The following TEX15 variants were observed in gnomAD, a reference collection of about 807,000 sequenced individuals.
TEX15 encodes the protein testis expressed 15, meiosis and synapsis associated.
In TEX15, 171 loss-of-function variants were observed where a neutral mutation model predicts 237.3. The observed-to-expected ratio is 0.72, with a 90% CI of 0.64 to 0.82. The LOEUF is 0.82. Ranked by LOEUF, TEX15 falls within the 40% of genes least tolerant of loss-of-function variation. The pLI is 0.00. For missense variants in TEX15, 3,750 were observed against 3,646.5 expected (o/e 1.03, Z -0.73); for synonymous variants, 1,338 against 1,269.8 (o/e 1.05, Z -1.14).
At chr8:30,857,144 A>C (rs1807928563) in intron 7 of TEX15, among the ~76,000 whole-genome samples, 1 of 152,206 alleles carries the variant, frequency 6.6e-6, no homozygotes, top group Non-Finnish European at 1.5e-5. Flanking sequence ...CAGCACCTGC[A>C]GCCAACTGAT....
At chr8:30,859,023 T>C (rs1202010686) in intron 6 of TEX15, among the ~76,000 whole-genome samples, 193 bp from the exon 7 acceptor site, 1 of 152,160 alleles carries the variant, frequency 6.6e-6, no homozygotes, top group Non-Finnish European at 1.5e-5. Flanking sequence ...TTTTTTTTGA[T>C]AGGCTACTAA....
chr8:30,836,716 C>T, intron 10 of TEX15, 87 bp downstream of exon 10: 5 of 1,193,050 alleles, frequency 4.2e-6, no homozygotes, highest in Middle Eastern at 2.0e-4. Context: ...CCCTCTAACT[C>T]ATCACTTACT....
At chr8:30,888,184 GAA>G (rs1808703979) in intron 2 of TEX15, among the ~76,000 whole-genome samples, 1 of 151,538 alleles carries the variant, frequency 6.6e-6, no homozygotes, top group African/African-American at 2.4e-5. Context: ...CAAAGTGCTG[GAA>G]TTACAGGCAT....
At chr8:30,894,019 T>G (rs1427599542) in intron 2 of TEX15, among the ~76,000 whole-genome samples, 5 of 152,220 alleles carry the variant, frequency 3.3e-5, no homozygotes, top group Admixed American at 1.3e-4. Context: ...TCTGGTTCAC[T>G]GACTCTCTTC....
chr8:30,906,717 T>C (rs1809109753), intron 1 of TEX15, among the ~76,000 whole-genome samples: 1 of 152,000 alleles, frequency 6.6e-6, no homozygotes, highest in Admixed American at 6.6e-5. Flanking sequence ...CTGCTGGGAA[T>C]AGGCTTGAAA....
At chr8:30,883,937 A>G (rs942323950) in intron 3 of TEX15, among the ~76,000 whole-genome samples, 1 of 152,156 alleles carries the variant, frequency 6.6e-6, no homozygotes, top group Non-Finnish European at 1.5e-5. Context: ...TGTCTTCCAC[A>G]ATGGTTGAAC....
At chr8:30,835,639 C>G (rs73228645) in intron 10 of TEX15, among the ~76,000 whole-genome samples, 1 of 152,076 alleles carries the variant, frequency 6.6e-6, no homozygotes, top group Non-Finnish European at 1.5e-5. Context: ...ATTTAAAGTA[C>G]ATTTTATTTC....
chr8:30,847,212 T>C lies in TEX15; in HGVS notation c.2955A>G (p.Ile985Met). Residue 985 changes from isoleucine (I) to methionine (M), a missense_variant, in exon 8 of 11, where the codon ATA (isoleucine) becomes ATG (methionine). Transcript: ENST00000643185. ...CAGGCATAGTAGCACTAGCTATCTG[T>C]ATTGCAGCATTTGAGGCTACACACA... Reference protein sequence around the residue: ...SSVCVASNAAIQIASATMPAL... With the variant: ...SSVCVASNAAMQIASATMPAL... 6.2e-7 allele frequency: 1 copy of C among 1,613,980 alleles called. No homozygotes were observed. Among genetic ancestry groups the C allele is most frequent in the Non-Finnish European group, 8.5e-7 (1 of 1,179,850 alleles).
chr8:30,847,774 C>T lies in TEX15; in HGVS notation c.2393G>A (p.Ser798Asn), dbSNP rs1807656075. The T allele has an allele frequency of 3.7e-6, 6 of 1,613,680 alleles. No homozygotes were observed. In the East Asian group the frequency reaches 1.3e-4, roughly 36 times the overall value. ...GACACATATATGTTCTCTAGTTATG[C>T]TGCAATTTGAACTGTCATGAGCTGT... ...IETAHDSSNCSITREHICVHR... is the reference protein window; with the variant it reads ...IETAHDSSNCNITREHICVHR... The change falls in exon 8 of 11, where the codon AGC becomes AAC. Residue 798 changes from serine (S) to asparagine (N), a missense_variant. Physicochemically the swap from Ser to Asn is conservative, Grantham distance 46. Transcript: ENST00000643185.
chr8:30,887,454 G>C, intron 2 of TEX15, 143 bp from the exon 3 acceptor site: 1 of 800,206 alleles, frequency 1.2e-6, no homozygotes, highest in Non-Finnish European at 1.8e-6. Context: ...ATCTCAATTT[G>C]CCAGTTGCCC....
At chr8:30,897,889 C>A (rs1298441733) in intron 2 of TEX15, among the ~76,000 whole-genome samples, 2 of 152,132 alleles carry the variant, frequency 1.3e-5, no homozygotes, top group Non-Finnish European at 2.9e-5. Flanking sequence ...GTCTCAAACT[C>A]CTCACCTCAA....
chr8:30,846,027 T>C lies in TEX15; in HGVS notation c.4140A>G (p.Leu1380=). Residue 1380 remains leucine, a synonymous_variant, in exon 8 of 11, where the codon CTA becomes CTG. Coordinates refer to ENST00000643185, the MANE Select transcript of TEX15 (RefSeq NM_001350162.2). ...TTTTTAAGTGAACAACTGCTTTGTC[T>C]AGTTTTCTGGAAAGACATTTGCTTT... ...LCKSKCLSRK[L]DKAVVHLKKA... is the part of the protein sequence containing the mutation. 6.2e-7 allele frequency: 1 copy of C among 1,613,398 alleles called. No individual in the cohort carries two copies. Among genetic ancestry groups the C allele is most frequent in the Non-Finnish European group, 8.5e-7 (1 of 1,179,570 alleles).
rs1808673726 is a variant in TEX15 at position 30,887,307 on chromosome 8, T to C, written c.-5A>G. On this transcript the variant is annotated 5_prime_UTR_variant, in exon 3 of 11. Transcript: ENST00000643185. The stretch of plus-strand genomic sequence containing the variant: ...AGCAGTTTCTTTCATTTCCATTTTG[T>C]TGGCCTAAAATCAACCCAAGGTTAT... 6.5e-7 allele frequency: 1 copy of C among 1,529,912 alleles called. No individual in the cohort carries two copies. Among genetic ancestry groups the C allele is most frequent in the South Asian group, 1.2e-5 (1 of 82,128 alleles). The allele number at this position is 1,529,912 out of a possible 1,614,324, so 94.8% of individuals were successfully genotyped here. A position where few individuals can be genotyped will look rare whatever the true frequency, so the allele number is the denominator to read the frequency against.
intron 2 of TEX15, among the ~76,000 whole-genome samples, chr8:30,893,673 C>T (rs1300867467): frequency 6.6e-6 from 1 of 152,180 alleles, no homozygotes; most frequent in Non-Finnish European, 1.5e-5. Context: ...TCTCAGCACT[C>T]TCAAGATGTT....
At chr8:30,865,248 C>T (rs1585296866) in intron 5 of TEX15, among the ~76,000 whole-genome samples, 2 of 152,112 alleles carry the variant, frequency 1.3e-5, no homozygotes, top group East Asian at 1.9e-4. Flanking sequence ...GACATCCAAC[C>T]TATTGAGACT....
At chr8:30,852,279 G>A (rs1236307222) in intron 7 of TEX15, among the ~76,000 whole-genome samples, 1 of 151,394 alleles carries the variant, frequency 6.6e-6, no homozygotes, top group Non-Finnish European at 1.5e-5. Flanking sequence ...CTAATTTTTT[G>A]TATTTTTAGT....
At chr8:30,871,379 T>C (rs949251932) in intron 4 of TEX15, among the ~76,000 whole-genome samples, 3 of 152,076 alleles carry the variant, frequency 2.0e-5, no homozygotes, top group African/African-American at 7.2e-5. Flanking sequence ...CACAGCTTTA[T>C]CTTTATCCAC....
At chr8:30,904,537 T>C (rs533472245) in intron 1 of TEX15, among the ~76,000 whole-genome samples, 2 of 150,816 alleles carry the variant, frequency 1.3e-5, no homozygotes, top group South Asian at 2.1e-4. Context: ...TGTAGGAAAA[T>C]AGCTATATAG....
In TEX15 at chr8:30,843,697, T is replaced by G; in HGVS notation, c.6470A>C (p.Lys2157Thr). Residue 2157 changes from lysine (K) to threonine (T), a missense_variant, in exon 8 of 11, where the codon AAA becomes ACA. Transcript: ENST00000643185. Reference sequence around the variant, plus strand: ...TACATAGTATGAATTCTTTTCCCTTTTTGTTTCTTCAAGCAATTCAACTAA... The same window carrying G: ...TACATAGTATGAATTCTTTTCCCTTGTTGTTTCTTCAAGCAATTCAACTAA... ...DQLVELLEET[K>T]REKNSYYVFL... is the part of the protein sequence containing the mutation. 1 of 1,612,446 alleles carries G rather than the reference T, an allele frequency of 6.2e-7. No homozygotes were observed. The highest frequency in any genetic ancestry group is 8.5e-7 in the Non-Finnish European group (1 of 1,179,368).
Sources: allele counts gnomAD v4.1 joint callset (sites outside exome capture counted in the v4.1 genomes callset), GRCh38; gene constraint gnomAD v4.1.1; transcripts MANE v1.5; gene names NCBI Gene and HGNC (gene_info 2026-07-23, HGNC 2026-07-21).